The following NDE1 variants were observed in gnomAD, a reference collection of about 807,000 sequenced individuals.
The protein encoded by NDE1 is nuclear distribution protein nudE homolog 1.
Under a neutral mutation model 43.4 loss-of-function variants are expected in NDE1, and 28 were observed. The observed-to-expected ratio is 0.65, with a 90% CI of 0.48 to 0.89. The LOEUF is 0.89. Among genes scored for constraint, NDE1 ranks in the 40% least tolerant of loss-of-function variants. NDE1 has a pLI of 0.00. For synonymous variants in NDE1, 184 were observed against 172.0 expected (o/e 1.07, Z -0.55); for missense variants, 441 against 434.1 (o/e 1.02, Z -0.14).
At chr16:15,682,254 C>T (rs765959177) in intron 4 of NDE1, among the ~76,000 whole-genome samples, 1 of 152,132 alleles carries the variant, frequency 6.6e-6, no homozygotes. Context: ...TGCAGTGGCA[C>T]GATCACTTCA....
Position 15,725,134 on chromosome 16 carries a change from T to TAAA in NDE1, c.*896_*898dup, listed in dbSNP as rs60544332. Reference sequence around the variant, plus strand: ...ATACCCGTGAGGTATGGGACTCTGATAAAAAAAAAAAAAAACACACACACA... The same window carrying TAAA: ...ATACCCGTGAGGTATGGGACTCTGATAAAAAAAAAAAAAAAAAACACACACACA... On this transcript the variant is annotated 3_prime_UTR_variant, in exon 9 of 9. Transcript: ENST00000396354. The TAAA allele has an allele frequency of 3.8e-4, 203 of 540,664 alleles. No homozygotes were observed. Among genetic ancestry groups the TAAA allele is most frequent in the South Asian group, 6.7e-4 (32 of 47,410 alleles). The allele number at this position is 540,664 out of a possible 1,614,324, so 33.5% of individuals were successfully genotyped here.
chr16:15,688,090 T>C (rs1303448932), intron 5 of NDE1, among the ~76,000 whole-genome samples: 1 of 152,204 alleles, frequency 6.6e-6, no homozygotes, highest in Non-Finnish European at 1.5e-5. Flanking sequence ...GTGGGATGAT[T>C]GCTTCAGCCC....
Position 15,719,728 on chromosome 16 carries a change from A to C in NDE1, c.948-4463A>C. 1 of 1,613,914 alleles carries C rather than the reference A, an allele frequency of 6.2e-7. No individual in the cohort carries two copies. ...TTCATCTGAGCCTGCATGAGTCAACAGGGAGGACAAGCTCAGATGTCCTTA... is the reference window on the plus strand; with the variant it reads ...TTCATCTGAGCCTGCATGAGTCAACCGGGAGGACAAGCTCAGATGTCCTTA... On this transcript the variant is annotated intron_variant, in intron 8 of 8. Coordinates refer to ENST00000396354, the MANE Select transcript of NDE1 (RefSeq NM_017668.3).
chr16:15,671,207 A>C (rs1465965934), intron 3 of NDE1, among the ~76,000 whole-genome samples: 1 of 152,064 alleles, frequency 6.6e-6, no homozygotes, highest in Admixed American at 6.6e-5. Flanking sequence ...GCTTCCTGTA[A>C]AAAGATGGAT....
At chr16:15,715,369 G>GC (rs2040068938) in intron 8 of NDE1, 1 of 1,092,170 alleles carries the variant, frequency 9.2e-7, no homozygotes, top group Admixed American at 1.8e-5. Context: ...GCTTTCCTGA[G>GC]CCCCGTATCT....
At chr16:15,701,428 A>T (rs1221600553) in intron 8 of NDE1, 3 of 152,110 alleles carry the variant, frequency 2.0e-5, no homozygotes, top group African/African-American at 7.2e-5. Context: ...GGGTGGGGGG[A>T]ATTCTGCCTC....
intron 5 of NDE1, 65 bp from the exon 6 acceptor site, chr16:15,691,079 A>C: frequency 6.2e-7 from 1 of 1,605,640 alleles, no homozygotes; most frequent in Non-Finnish European, 8.5e-7. Context: ...AAGTGCTGGC[A>C]TTATAAACAT....
At chr16:15,678,023 G>A (rs965078953) in intron 4 of NDE1, 74 bp downstream of exon 4, 7 of 1,569,084 alleles carry the variant, frequency 4.5e-6, no homozygotes, top group Non-Finnish European at 6.1e-6. Context: ...TGGGTACTGG[G>A]CCCTGTGCTG....
In NDE1 at chr16:15,687,206, G is replaced by T. The variant is rs755868291; in HGVS notation, c.387-169G>T. ...ATGAGTCCCATTCTGCAGGTAAAGA[G>T]CCCATGCCCCAGAAGGTTAAGGGAC... On this transcript the variant is annotated intron_variant, in intron 4 of 8. Transcript: ENST00000396354. The T allele has an allele frequency of 9.8e-6, 15 of 1,526,632 alleles. No individual in the cohort carries two copies. The South Asian group carries it at 1.8e-4, about 18-fold the overall frequency. The allele number at this position is 1,526,632 out of a possible 1,614,324, so 94.6% of individuals were successfully genotyped here.
At chr16:15,719,550 G>C (rs770275961) in intron 8 of NDE1, 1 of 1,613,066 alleles carries the variant, frequency 6.2e-7, no homozygotes, top group South Asian at 1.1e-5. Context: ...CGTGACACCC[G>C]CATCTGAGGC....
intron 1 of NDE1, among the ~76,000 whole-genome samples, chr16:15,662,175 G>A (rs1283203580): frequency 6.6e-6 from 1 of 151,906 alleles, no homozygotes; most frequent in Non-Finnish European, 1.5e-5. Flanking sequence ...CTGGTCCCAA[G>A]TGGTCCTCTT....
intron 4 of NDE1, among the ~76,000 whole-genome samples, chr16:15,681,744 G>A (rs2151083890): frequency 6.6e-6 from 1 of 152,244 alleles, no homozygotes; most frequent in East Asian, 1.9e-4. Flanking sequence ...TCAGAGTCTT[G>A]CCCTATGGCC....
At chr16:15,690,977 T>G (rs1197244488) in intron 5 of NDE1, among the ~76,000 whole-genome samples, 167 bp from the exon 6 acceptor site, 1 of 152,100 alleles carries the variant, frequency 6.6e-6, no homozygotes, top group East Asian at 1.9e-4. Context: ...TGGGCTAATT[T>G]TTGTATTTTC....
At chr16:15,713,708 T>G (rs916624410) in intron 8 of NDE1, 1 of 152,220 alleles carries the variant, frequency 6.6e-6, no homozygotes, top group Non-Finnish European at 1.5e-5. Flanking sequence ...GCTCTTGAAC[T>G]CCTGAGCTCA....
chr16:15,643,682 T>G (rs2036211263), exon 1 of NDE1: 2 of 229,016 alleles, frequency 8.7e-6, no homozygotes, highest in Non-Finnish European at 1.7e-5. Flanking sequence ...TAGTGGCAAG[T>G]GGAGAAAAAA....
At chr16:15,723,332 T>C (rs886929576) in intron 8 of NDE1, among the ~76,000 whole-genome samples, 1 of 152,110 alleles carries the variant, frequency 6.6e-6, no homozygotes, top group African/African-American at 2.4e-5. Flanking sequence ...TAAGGCATGA[T>C]AGATAGAATT....
At chr16:15,680,205 T>A (rs1257650749) in intron 4 of NDE1, among the ~76,000 whole-genome samples, 1 of 152,200 alleles carries the variant, frequency 6.6e-6, no homozygotes, top group Non-Finnish European at 1.5e-5. Flanking sequence ...TTGCTTTTTT[T>A]AGCCGTAACT....
At chr16:15,705,777 C>T (rs986205442) in intron 8 of NDE1, among the ~76,000 whole-genome samples, 1 of 151,686 alleles carries the variant, frequency 6.6e-6, no homozygotes, top group African/African-American at 2.4e-5. Context: ...GTCAGGAGAT[C>T]GAGACCATCC....
At chr16:15,652,547 T>C (rs1272138295) in intron 1 of NDE1, among the ~76,000 whole-genome samples, 1 of 152,186 alleles carries the variant, frequency 6.6e-6, no homozygotes, top group African/African-American at 2.4e-5. Context: ...ATTCAAGAAA[T>C]GTTTGAAAAG....
Sources: gnomAD v4.1 joint callset for allele counts (sites outside exome capture counted in the v4.1 genomes callset) on GRCh38, gnomAD v4.1.1 for gene constraint, MANE v1.5 for transcripts, NCBI Gene and HGNC (gene_info 2026-07-23, HGNC 2026-07-21) for gene names.